DPP10: variants seen among roughly 807,000 people sequenced by gnomAD.
The protein encoded by DPP10 is dipeptidyl peptidase like 10.
Under a neutral mutation model 120.9 loss-of-function variants are expected in DPP10, and 33 were observed. That is an observed-to-expected ratio of 0.27 (90% CI 0.21 to 0.37). DPP10 has a LOEUF of 0.37. Ranked by LOEUF, DPP10 falls within the 10% of genes least tolerant of loss-of-function variation. The pLI, the probability that DPP10 is intolerant of heterozygous loss-of-function variation, is 1.00. For missense variants in DPP10, 816 were observed against 942.8 expected (o/e 0.87, Z 1.76); for synonymous variants, 337 against 326.1 (o/e 1.03, Z -0.36).
intron 5 of DPP10, among the ~76,000 whole-genome samples, chr2:115,624,980 T>G (rs1316703079): frequency 6.6e-6 from 1 of 151,718 alleles, no homozygotes; most frequent in Non-Finnish European, 1.5e-5. Context: ...AGAGTGGAGT[T>G]CCCCTGGGTT....
At position 115,842,781 on chromosome 2, in the gene DPP10, A is replaced by G. The variant is rs1422458694; in HGVS notation, c.*436A>G. On this transcript the variant is annotated 3_prime_UTR_variant, in exon 26 of 26. Coordinates refer to ENST00000410059, the MANE Select transcript of DPP10 (RefSeq NM_020868.6). ...ATCTAACACTTTACTGTACCTTTATAATAAGTGCAATTCTTTCATTGTCTA... is the reference window on the plus strand; with the variant it reads ...ATCTAACACTTTACTGTACCTTTATGATAAGTGCAATTCTTTCATTGTCTA... 1 of 153,322 alleles carries G rather than the reference A, an allele frequency of 6.5e-6. No individual in the cohort carries two copies. Among genetic ancestry groups the G allele is most frequent in the African/African-American group, 2.4e-5 (1 of 41,502 alleles). 9.5% of individuals were successfully genotyped at this position (153,322 alleles called of 1,614,324 possible).
At chr2:115,281,182 G>A (rs2060142128) in intron 1 of DPP10, among the ~76,000 whole-genome samples, 1 of 152,112 alleles carries the variant, frequency 6.6e-6, no homozygotes, top group South Asian at 2.1e-4. Context: ...TATTTCAATA[G>A]AAGCTAGAAA....
At chr2:115,547,328 C>T (rs1295026448) in intron 5 of DPP10, among the ~76,000 whole-genome samples, 2 of 152,106 alleles carry the variant, frequency 1.3e-5, no homozygotes, top group Non-Finnish European at 2.9e-5. Flanking sequence ...ATGAAAACTT[C>T]AAGATTTGTG....
chr2:115,004,780 G>A lies in DPP10; in HGVS notation c.61-304459G>A, dbSNP rs1238890876. 3.3e-5 allele frequency among the ~76,000 whole-genome samples: 5 copies of A among 152,240 alleles called. No individual in the cohort carries two copies. In the East Asian group the frequency reaches 5.8e-4, roughly 18 times the overall value. ...TGAGATCAAACTGCAAGGCGGCAGC[G>A]AGGCTGGGGGAGGGGCGCCCACCAT... On this transcript the variant is annotated intron_variant, in intron 1 of 25. Coordinates refer to ENST00000410059, the MANE Select transcript of DPP10 (RefSeq NM_020868.6).
chr2:114,603,683 C>T (rs1325825552), intron 1 of DPP10, among the ~76,000 whole-genome samples: 1 of 152,024 alleles, frequency 6.6e-6, no homozygotes, highest in African/African-American at 2.4e-5. Flanking sequence ...GGGCGGTAAA[C>T]TTGGGTACTT....
In DPP10 at chr2:114,703,065, G is replaced by A. The variant is rs76938749; in HGVS notation, c.60+260227G>A. ...ATGATCTTCTCCTGGAGGTTGTAGT[G>A]TGTCACCAAGAAAGTCATTGCATTG... On this transcript the variant is annotated intron_variant, in intron 1 of 25. Transcript: ENST00000410059. 8.0e-4 allele frequency among the ~76,000 whole-genome samples: 122 copies of A among 152,166 alleles called. 5 individuals carry two copies. The East Asian group carries it at 0.023, about 29-fold the overall frequency.
intron 1 of DPP10, among the ~76,000 whole-genome samples, chr2:114,767,942 G>A (rs1049281081): frequency 2.6e-5 from 4 of 151,928 alleles, no homozygotes; most frequent in Non-Finnish European, 4.4e-5. Context: ...CCAACATGAT[G>A]AAACCTGAAA....
rs1211049394 is a variant in DPP10, at chr2:115,499,572, G to T, written c.334G>T (p.Ala112Ser). The T allele has an allele frequency of 1.2e-6, 2 of 1,611,462 alleles. No individual in the cohort carries two copies. Among genetic ancestry groups the T allele is most frequent in the Non-Finnish European group, 1.7e-6 (2 of 1,178,442 alleles). The part of the protein sequence containing the change: ...HVIKLNIETN[A>S]TTLLLENTTF... ...CATTAAACTGAATATAGAAACAAAT[G>T]CTACCACATTATTATTGGAAAACAC... Residue 112 changes from alanine to serine, a missense_variant, in exon 4 of 26, where the codon GCT (alanine) becomes TCT (serine). Around this residue, in one of 3 missense-constraint regions of DPP10, gnomAD observed 182 missense variants for 207.4 expected, o/e 0.88. Transcript: ENST00000410059.
intron 1 of DPP10, among the ~76,000 whole-genome samples, chr2:114,508,583 C>G (rs942443245): frequency 6.6e-6 from 1 of 152,124 alleles, no homozygotes; most frequent in Non-Finnish European, 1.5e-5. Flanking sequence ...ACTTACTCTC[C>G]TTACAGGGCT....
rs76573321 is a variant in DPP10 at position 114,856,927 on chromosome 2, T to C, written c.60+414089T>C. Among the ~76,000 whole-genome samples, 1,297 of 152,294 alleles carry C rather than the reference T, an allele frequency of 8.5e-3. 15 individuals are homozygous for C. The highest frequency in any genetic ancestry group is 0.029 in the African/African-American group (1,223 of 41,558). ...ACCATTTTTGAATGTTTCATGCCTG[T>C]CCATTACAATAAATACAATGAATTA... On this transcript the variant is annotated intron_variant, in intron 1 of 25. Transcript: ENST00000410059.
chr2:115,152,908 G>T (rs913815593), intron 1 of DPP10, among the ~76,000 whole-genome samples: 2 of 152,158 alleles, frequency 1.3e-5, no homozygotes, highest in Admixed American at 1.3e-4. Context: ...CAGAGACAAA[G>T]ACTTTGATTA....
In DPP10 at chr2:115,762,594, C is replaced by A; in HGVS notation, c.1097C>A (p.Thr366Lys). Residue 366 changes from threonine (T) to lysine (K), a missense_variant, in exon 12 of 26, where the codon ACG becomes AAG. This residue lies in a region of DPP10 where 592 missense variants were observed against 649.0 expected (regional missense o/e 0.91). Coordinates refer to ENST00000410059, the MANE Select transcript of DPP10 (RefSeq NM_020868.6). ...CSKKYEMTSD[T>K]WLSQQNEEPV... ...CAGAAATATGAGATGACATCAGATA[C>A]GTGGCTCTCTCAGCAGGTACAGTAT... The A allele has an allele frequency of 6.2e-7, 1 of 1,613,506 alleles. No individual in the cohort carries two copies. The highest frequency in any genetic ancestry group is 8.5e-7 in the Non-Finnish European group (1 of 1,179,872).
At chr2:115,733,363 G>A (rs778902246) in intron 8 of DPP10, among the ~76,000 whole-genome samples, 1 of 152,166 alleles carries the variant, frequency 6.6e-6, no homozygotes, top group Non-Finnish European at 1.5e-5. Context: ...GTCACAGGAA[G>A]GCAGGGTTAT....
chr2:115,336,328 A>G (rs1423908004), intron 2 of DPP10, among the ~76,000 whole-genome samples: 1 of 152,014 alleles, frequency 6.6e-6, no homozygotes, highest in Non-Finnish European at 1.5e-5. Context: ...CCACATTCAT[A>G]TTGTCAAAGC....
chr2:114,965,428 G>T (rs1698939775), intron 1 of DPP10, among the ~76,000 whole-genome samples: 1 of 152,170 alleles, frequency 6.6e-6, no homozygotes, highest in Admixed American at 6.5e-5. Flanking sequence ...GATCCACCGT[G>T]CCTGGCCAGT....
At chr2:114,962,459 A>G (rs1698714639) in intron 1 of DPP10, among the ~76,000 whole-genome samples, 1 of 152,252 alleles carries the variant, frequency 6.6e-6, no homozygotes, top group Admixed American at 6.5e-5. Context: ...CTTTAGTTCA[A>G]CCACCTAGGA....
chr2:114,471,872 A>G (rs1679947631), intron 1 of DPP10, among the ~76,000 whole-genome samples: 1 of 152,244 alleles, frequency 6.6e-6, no homozygotes, highest in African/African-American at 2.4e-5. Flanking sequence ...ATTTAGTACT[A>G]TCAAGAGGCT....
chr2:115,285,697 G>T (rs115482517), intron 1 of DPP10, among the ~76,000 whole-genome samples: 16 of 152,152 alleles, frequency 1.1e-4, no homozygotes, highest in African/African-American at 3.6e-4. Flanking sequence ...AAAAAGAGAA[G>T]GCCTTGGTCT....
At chr2:114,672,233 A>T (rs10198185) in intron 1 of DPP10, among the ~76,000 whole-genome samples, 13 of 151,488 alleles carry the variant, frequency 8.6e-5, no homozygotes, top group African/African-American at 2.4e-4. Flanking sequence ...AGTTTAATAC[A>T]GTCTAAGATT....
Sources: gnomAD v4.1 joint callset for allele counts (sites outside exome capture counted in the v4.1 genomes callset) on GRCh38, gnomAD v4.1.1 for gene constraint, gnomAD v4.1.1 regional missense constraint, MANE v1.5 for transcripts, NCBI Gene and HGNC (gene_info 2026-07-23, HGNC 2026-07-21) for gene names.